Variants in PARP4 observed in about 807,000 individuals in gnomAD.
The protein encoded by PARP4 is poly(ADP-ribose) polymerase family member 4, also known as protein mono-ADP-ribosyltransferase PARP4.
Under a neutral mutation model 187.7 loss-of-function variants are expected in PARP4, and 120 were observed. The observed-to-expected ratio is 0.64, with a 90% CI of 0.55 to 0.74. PARP4 has a LOEUF of 0.74. Among genes scored for constraint, PARP4 ranks in the 30% least tolerant of loss-of-function variants. The probability of loss-of-function intolerance (pLI) is 0.00; values close to 1 mark genes in which losing one functional copy is unlikely to be tolerated. For missense variants in PARP4, 1,836 were observed against 2,070.5 expected (o/e 0.89, Z 2.20); for synonymous variants, 654 against 740.9 (o/e 0.88, Z 1.90).
intron 33 of PARP4, among the ~76,000 whole-genome samples, chr13:24,425,896 G>A (rs971854573): frequency 7.2e-5 from 11 of 152,042 alleles, no homozygotes; most frequent in South Asian, 2.1e-4. Flanking sequence ...GGGTATTCAC[G>A]TTTGCAGGCA....
At chr13:24,486,334 A>G (rs930861992) in intron 10 of PARP4, 29 bp from the exon 11 acceptor site, 2 of 1,472,160 alleles carry the variant, frequency 1.4e-6, no homozygotes, top group African/African-American at 1.4e-5. Context: ...AAGCCTTTAG[A>G]TTACATAATT....
At chr13:24,471,126 G>A (rs2137501358) in intron 15 of PARP4, among the ~76,000 whole-genome samples, 1 of 152,306 alleles carries the variant, frequency 6.6e-6, no homozygotes, top group East Asian at 1.9e-4. Flanking sequence ...CTGACTGGGG[G>A]GACGTCAGAC....
chr13:24,463,539 C>G (rs1872310440), intron 17 of PARP4, among the ~76,000 whole-genome samples: 1 of 152,100 alleles, frequency 6.6e-6, no homozygotes, highest in Non-Finnish European at 1.5e-5. Flanking sequence ...GAACTAAAGA[C>G]AAAAGCCACA....
In PARP4 at chr13:24,421,061, A is replaced by C; in HGVS notation, c.*58T>G. On this transcript the variant is annotated 3_prime_UTR_variant, in exon 34 of 34. Transcript: ENST00000381989. ...AGTTTCATTATAAGTATCTATTATC[A>C]TTTGATTATTTTCTACATAGAAGCA... is the stretch of plus-strand genomic sequence containing the variant. 7.2e-7 allele frequency: 1 copy of C among 1,380,036 alleles called. No individual in the cohort carries two copies. Among genetic ancestry groups the C allele is most frequent in the Non-Finnish European group, 9.8e-7 (1 of 1,025,096 alleles). The allele number at this position is 1,380,036 out of a possible 1,614,324, so 85.5% of individuals were successfully genotyped here.
intron 17 of PARP4, among the ~76,000 whole-genome samples, chr13:24,468,464 G>A (rs573908238): frequency 2.7e-5 from 4 of 148,158 alleles, no homozygotes; most frequent in South Asian, 2.1e-4. Flanking sequence ...GAGTGCAATG[G>A]CACAATTTTG....
At chr13:24,480,164 GA>G (rs1160646893) in intron 12 of PARP4, among the ~76,000 whole-genome samples, 1 of 152,244 alleles carries the variant, frequency 6.6e-6, no homozygotes, top group Non-Finnish European at 1.5e-5. Flanking sequence ...GTGAGACCAA[GA>G]ACCCACCAAT....
chr13:24,435,072 T>C lies in PARP4; in HGVS notation c.4069A>G (p.Arg1357Gly). 6.8e-6 allele frequency: 11 copies of C among 1,614,068 alleles called. No individual in the cohort carries two copies. The highest frequency in any genetic ancestry group is 9.3e-6 in the Non-Finnish European group (11 of 1,180,042). Residue 1357 changes from arginine to glycine, a missense_variant, in exon 31 of 34, where the codon AGA (arginine) becomes GGA (glycine). Coordinates refer to ENST00000381989, the MANE Select transcript of PARP4 (RefSeq NM_006437.4). The part of the protein sequence containing the change: ...VASFGSAAPP[R>G]QFDASQFSQG... The stretch of plus-strand genomic sequence containing the variant: ...CTGAATTGAGATGCATCAAACTGTC[T>C]GGGAGGAGCAGCTGAACCGAAACTA...
At chr13:24,464,785 T>C (rs1872372647) in intron 17 of PARP4, among the ~76,000 whole-genome samples, 1 of 151,696 alleles carries the variant, frequency 6.6e-6, no homozygotes, top group Non-Finnish European at 1.5e-5. Flanking sequence ...AAAGCAAAAA[T>C]TGACAAATGG....
chr13:24,501,598 T>G, intron 3 of PARP4, 35 bp downstream of exon 3: 1 of 1,426,584 alleles, frequency 7.0e-7, no homozygotes, highest in Non-Finnish European at 9.9e-7. Context: ...CTATGGCACC[T>G]ATGATACGTT....
chr13:24,511,163 C>T (rs756604794), intron 1 of PARP4, among the ~76,000 whole-genome samples: 4 of 152,142 alleles, frequency 2.6e-5, no homozygotes, highest in Admixed American at 6.5e-5. Flanking sequence ...TATGGAAAGG[C>T]GCACTTTGGG....
intron 33 of PARP4, among the ~76,000 whole-genome samples, chr13:24,425,502 T>A (rs1207322967): frequency 6.6e-6 from 1 of 151,848 alleles, no homozygotes; most frequent in African/African-American, 2.4e-5. Context: ...ATAAGCCAAT[T>A]ACATGTGTAT....
chr13:24,487,352 G>T (rs1238670822), intron 10 of PARP4, among the ~76,000 whole-genome samples: 1 of 152,148 alleles, frequency 6.6e-6, no homozygotes, highest in Non-Finnish European at 1.5e-5. Flanking sequence ...ACTCTCTTGG[G>T]AGGTGACATT....
intron 19 of PARP4, 48 bp downstream of exon 19, chr13:24,459,215 GA>G (rs1431970621): frequency 6.3e-7 from 1 of 1,588,932 alleles, no homozygotes; most frequent in Non-Finnish European, 8.6e-7. Context: ...ATTTAAACCA[GA>G]AAACCAATAT....
intron 21 of PARP4, 43 bp from the exon 22 acceptor site, chr13:24,455,255 T>C: frequency 6.9e-7 from 1 of 1,454,944 alleles, no homozygotes; most frequent in Non-Finnish European, 9.3e-7. Flanking sequence ...TTCTTGTCAC[T>C]TCAACTGCAA....
chr13:24,459,898 A>G, intron 18 of PARP4, 74 bp downstream of exon 18: 1 of 1,297,712 alleles, frequency 7.7e-7, no homozygotes, highest in Middle Eastern at 2.5e-4. Flanking sequence ...CCCAGGCATA[A>G]ATTCCTCCAC....
At chr13:24,506,106 G>A (rs907441399) in intron 1 of PARP4, among the ~76,000 whole-genome samples, 40 of 152,222 alleles carry the variant, frequency 2.6e-4, no homozygotes, top group African/African-American at 8.9e-4. Flanking sequence ...GACCCTCGTG[G>A]TGAGTGCTAC....
At chr13:24,466,016 G>A (rs1422783730) in intron 17 of PARP4, among the ~76,000 whole-genome samples, 1 of 152,146 alleles carries the variant, frequency 6.6e-6, no homozygotes, top group Non-Finnish European at 1.5e-5. Context: ...GCTGACCAAT[G>A]TAACTTTCTA....
Position 24,459,536 on chromosome 13 carries a change from C to T in PARP4, c.2299-226G>A, listed in dbSNP as rs993757801. 12 of 324,386 alleles carry T rather than the reference C, an allele frequency of 3.7e-5. No homozygotes were observed. The South Asian group carries it at 4.6e-4, about 13-fold the overall frequency. 20.1% of individuals were successfully genotyped at this position (324,386 alleles called of 1,614,324 possible). ...CTCTACATATGTCTGTGTGTATACA[C>T]ACACACACACGCACACACACACACA... is the stretch of plus-strand genomic sequence containing the variant. On this transcript the variant is annotated intron_variant, in intron 18 of 33. Coordinates refer to ENST00000381989, the MANE Select transcript of PARP4 (RefSeq NM_006437.4).
chr13:24,439,580 G>A (rs1870812279), intron 30 of PARP4, among the ~76,000 whole-genome samples: 1 of 152,102 alleles, frequency 6.6e-6, no homozygotes. Flanking sequence ...AACAATGTTT[G>A]CTATGTTAGT....
Sources: gnomAD v4.1 joint callset for allele counts (sites outside exome capture counted in the v4.1 genomes callset) on GRCh38, gnomAD v4.1.1 for gene constraint, MANE v1.5 for transcripts, NCBI Gene and HGNC (gene_info 2026-07-23, HGNC 2026-07-21) for gene names.